LSAMP: variants seen among roughly 807,000 people sequenced by gnomAD.
The protein encoded by LSAMP is limbic system associated membrane protein.
In LSAMP, 7 loss-of-function variants were observed where a neutral mutation model predicts 38.6. That is an observed-to-expected ratio of 0.18 (90% confidence interval 0.10 to 0.34). LSAMP has a LOEUF of 0.34. LSAMP is among the 10% of genes least tolerant of loss of function. The probability of loss-of-function intolerance (pLI) is 1.00; values close to 1 mark genes in which losing one functional copy is unlikely to be tolerated. For synonymous variants in LSAMP, 154 were observed against 166.8 expected (o/e 0.92, Z 0.59); for missense variants, 313 against 420.0 (o/e 0.75, Z 2.23).
chr3:116,196,060 T>C (rs1249968443), intron 1 of LSAMP, among the ~76,000 whole-genome samples: 1 of 152,212 alleles, frequency 6.6e-6, no homozygotes, highest in East Asian at 1.9e-4. Flanking sequence ...GTAAACACTT[T>C]TTTTGCATAG....
At chr3:116,112,226 A>G (rs1708631711) in intron 1 of LSAMP, among the ~76,000 whole-genome samples, 1 of 152,240 alleles carries the variant, frequency 6.6e-6, no homozygotes, top group Non-Finnish European at 1.5e-5. Flanking sequence ...TTCTCCTTAG[A>G]AATGTGTGTC....
chr3:116,445,223 C>T lies in LSAMP; in HGVS notation c.-192G>A. ...CTTTTCCCTCTAAGACTTAACAAAG[C>T]CCTCATAAAACCCAAGCAGAAGGGT... On this transcript the variant is annotated 5_prime_UTR_variant, in exon 1 of 7. Transcript: ENST00000490035. The T allele has an allele frequency of 1.7e-6, 1 of 604,428 alleles. No homozygotes were observed. The highest frequency in any genetic ancestry group is 2.8e-5 in the East Asian group (1 of 35,856). 37.4% of individuals were successfully genotyped at this position (604,428 alleles called of 1,614,324 possible).
intron 2 of LSAMP, among the ~76,000 whole-genome samples, chr3:116,075,949 C>T (rs184144472): frequency 1.4e-3 from 213 of 152,314 alleles, no homozygotes; most frequent in Middle Eastern, 6.8e-3. Flanking sequence ...ATTGGAGAGA[C>T]ATTTATTGAT....
intron 1 of LSAMP, among the ~76,000 whole-genome samples, chr3:116,350,965 G>A (rs1165947533): frequency 6.6e-6 from 1 of 151,946 alleles, no homozygotes; most frequent in Non-Finnish European, 1.5e-5. Context: ...ATGGTTTCAG[G>A]CGTCACTGAG....
At chr3:116,127,695 ATTTTTTTTTT>A (rs67470158) in intron 1 of LSAMP, among the ~76,000 whole-genome samples, 8 of 96,654 alleles carry the variant, frequency 8.3e-5, no homozygotes, top group East Asian at 3.1e-4. Context: ...GTGTTTGTTC[ATTTTTTTTTT>A]TTTTTTTTTT....
At position 116,290,239 on chromosome 3, in the gene LSAMP, G is replaced by A. The variant is rs147727037; in HGVS notation, c.155+154638C>T. On this transcript the variant is annotated intron_variant, in intron 1 of 6. Transcript: ENST00000490035. ...GGAGTAGTAGCATTTTAGTTTATAG[G>A]AGACACTGTATGTGGTAGTTTCTTT... is the stretch of plus-strand genomic sequence containing the variant. Among the ~76,000 whole-genome samples the A allele has an allele frequency of 3.9e-3, 587 of 152,206 alleles. 5 individuals are homozygous for A. The highest frequency in any genetic ancestry group is 0.012 in the African/African-American group (507 of 41,532).
chr3:116,212,880 C>G (rs2046176426), intron 1 of LSAMP, among the ~76,000 whole-genome samples: 1 of 152,132 alleles, frequency 6.6e-6, no homozygotes, highest in African/African-American at 2.4e-5. Context: ...TTATTTGTCT[C>G]TGTAAGTACA....
chr3:116,111,764 C>G (rs749997008), intron 1 of LSAMP, among the ~76,000 whole-genome samples: 1 of 152,066 alleles, frequency 6.6e-6, no homozygotes, highest in South Asian at 2.1e-4. Context: ...ACACTTATTC[C>G]GTTTTTACTA....
intron 1 of LSAMP, among the ~76,000 whole-genome samples, chr3:116,164,594 T>TAA (rs1362913948): frequency 4.0e-5 from 3 of 74,508 alleles, no homozygotes; most frequent in Admixed American, 1.7e-4. Flanking sequence ...TATATATATA[T>TAA]AATCCAAATA....
At chr3:116,168,482 A>C (rs1457991628) in intron 1 of LSAMP, among the ~76,000 whole-genome samples, 1 of 152,218 alleles carries the variant, frequency 6.6e-6, no homozygotes. Flanking sequence ...TAAGACATAA[A>C]ATTTTAATGA....
At chr3:115,973,172 C>T (rs1001771354) in intron 3 of LSAMP, among the ~76,000 whole-genome samples, 1 of 151,930 alleles carries the variant, frequency 6.6e-6, no homozygotes, top group Admixed American at 6.6e-5. Flanking sequence ...TAATAAAAAG[C>T]GATTAAACAT....
chr3:116,213,967 T>G (rs572271859), intron 1 of LSAMP, among the ~76,000 whole-genome samples: 1 of 152,326 alleles, frequency 6.6e-6, no homozygotes, highest in Admixed American at 6.5e-5. Context: ...ATGAACCAGC[T>G]CTAGACATCT....
At chr3:116,057,568 T>C (rs1941512308) in intron 2 of LSAMP, among the ~76,000 whole-genome samples, 1 of 152,038 alleles carries the variant, frequency 6.6e-6, no homozygotes, top group Non-Finnish European at 1.5e-5. Context: ...CTGAAATGGC[T>C]GAAAAAAGAG....
At chr3:116,408,672 G>C (rs931782114) in intron 1 of LSAMP, among the ~76,000 whole-genome samples, 1 of 152,054 alleles carries the variant, frequency 6.6e-6, no homozygotes, top group African/African-American at 2.4e-5. Context: ...GGAGAAGCTA[G>C]AGAGATTGCA....
intron 1 of LSAMP, among the ~76,000 whole-genome samples, chr3:116,270,232 A>T (rs2046953578): frequency 6.6e-6 from 1 of 152,130 alleles, no homozygotes; most frequent in Non-Finnish European, 1.5e-5. Flanking sequence ...AGTCACAGGA[A>T]ATTTTCACTG....
intron 2 of LSAMP, among the ~76,000 whole-genome samples, chr3:116,023,604 C>CAA (rs71141849): frequency 3.6e-4 from 28 of 77,948 alleles, no homozygotes; most frequent in East Asian, 4.5e-4. Context: ...GACTCCGTCT[C>CAA]AAAAAAAAAA....
At chr3:116,421,124 A>C (rs2049117926) in intron 1 of LSAMP, among the ~76,000 whole-genome samples, 1 of 152,230 alleles carries the variant, frequency 6.6e-6, no homozygotes, top group South Asian at 2.1e-4. Flanking sequence ...GAGTCTAGGC[A>C]AAAAGTTCTT....
chr3:116,391,437 C>T (rs1295737808), intron 1 of LSAMP, among the ~76,000 whole-genome samples: 1 of 152,150 alleles, frequency 6.6e-6, no homozygotes, highest in Non-Finnish European at 1.5e-5. Flanking sequence ...GCTGCTGCTG[C>T]GGGGAGGGCA....
chr3:116,427,159 G>A (rs954315850), intron 1 of LSAMP, among the ~76,000 whole-genome samples: 6 of 130,362 alleles, frequency 4.6e-5, no homozygotes, highest in African/African-American at 1.7e-4. Context: ...TGTCGCCCAG[G>A]CCGGACTGCG....
Sources: allele counts gnomAD v4.1 joint callset (sites outside exome capture counted in the v4.1 genomes callset), GRCh38; gene constraint gnomAD v4.1.1; transcripts MANE v1.5; gene names NCBI Gene and HGNC (gene_info 2026-07-23, HGNC 2026-07-21).